DNAAF6: variants seen among roughly 807,000 people sequenced by gnomAD.
DNAAF6 encodes PIH1 domain containing 3.
Under a neutral mutation model 13.7 loss-of-function variants are expected in DNAAF6, and 3 were observed. The ratio of observed to expected loss-of-function variants is 0.22; its 90% CI spans 0.10 to 0.56. The LOEUF is 0.56. Among genes scored for constraint, DNAAF6 ranks in the 20% least tolerant of loss-of-function variants. DNAAF6 has a pLI of 0.92. For missense variants in DNAAF6, 130 were observed against 151.0 expected, an observed-to-expected ratio of 0.86 and a Z score of 0.73; for synonymous variants, 54 against 49.2, an observed-to-expected ratio of 1.10 and a Z score of -0.41.
chrX:107,220,917 T>C (rs868582395), intron 4 of DNAAF6, among the ~76,000 whole-genome samples: 1 of 60,358 alleles, frequency 1.7e-5, no homozygotes, highest in African/African-American at 7.4e-5. Context: ...CTTTCTTTCT[T>C]TCTTTCTTTC....
chrX:107,213,169 C>T, intron 2 of DNAAF6, 141 bp downstream of exon 2: 1 of 534,720 alleles, frequency 1.9e-6, no homozygotes, highest in Non-Finnish European at 2.8e-6. Context: ...GCTGATTATG[C>T]ATGACAATGT....
chrX:107,218,785 C>A, intron 3 of DNAAF6, 79 bp from the exon 4 acceptor site: 1 of 967,284 alleles, frequency 1.0e-6, no homozygotes, highest in Non-Finnish European at 1.4e-6. Context: ...TGAACCCAAA[C>A]TGAGTGTGAA....
intron 4 of DNAAF6, 68 bp from the exon 5 acceptor site, chrX:107,222,677 A>G: frequency 1.8e-6 from 2 of 1,142,105 alleles, no homozygotes; most frequent in South Asian, 4.6e-5. Flanking sequence ...ATAAGTTACT[A>G]GTTTTCTTTT....
At chrX:107,220,080 T>C (rs984052924) in intron 4 of DNAAF6, among the ~76,000 whole-genome samples, 2 of 112,003 alleles carry the variant, frequency 1.8e-5, no homozygotes, top group African/African-American at 6.5e-5. Context: ...ATTACAGGCA[T>C]GAGCCACTGC....
In DNAAF6 at chrX:107,211,834, AAATGATACCAT is replaced by A. The variant is rs1345671812; in HGVS notation, c.-3-1018_-3-1008del. On this transcript the variant is annotated intron_variant, in intron 1 of 6. Coordinates refer to ENST00000372453, the MANE Select transcript of DNAAF6 (RefSeq NM_173494.2). ...GACAAATCTGATGTGTAATCAAACC[AAATGATACCAT>A]AATGATACCATAATGATACCTATTT... is the stretch of plus-strand genomic sequence containing the variant. Among the ~76,000 whole-genome samples, 359 of 111,867 alleles carry A rather than the reference AAATGATACCAT, an allele frequency of 3.2e-3. 2 individuals are homozygous for A. The highest frequency in any genetic ancestry group is 4.9e-3 in the Non-Finnish European group (258 of 53,142).
intron 6 of DNAAF6, 114 bp downstream of exon 6, chrX:107,239,121 T>G: frequency 1.0e-6 from 1 of 988,348 alleles, no homozygotes. Context: ...TGAAGAAAAG[T>G]GGAAAATTTT....
intron 2 of DNAAF6, among the ~76,000 whole-genome samples, chrX:107,216,124 G>A (rs1426989190): frequency 4.5e-5 from 5 of 111,821 alleles, no homozygotes; most frequent in Non-Finnish European, 7.5e-5. Flanking sequence ...CTAGTTCAGT[G>A]TCATGAGGCG....
intron 5 of DNAAF6, among the ~76,000 whole-genome samples, chrX:107,235,457 C>T (rs1928492210): frequency 9.0e-6 from 1 of 111,274 alleles, no homozygotes; most frequent in Non-Finnish European, 1.9e-5. Context: ...CTAAAAAAGG[C>T]ATTGCTTCTG....
Position 107,243,175 on chromosome X carries a change from G to A in DNAAF6, c.522G>A (p.Leu174=). The A allele has an allele frequency of 2.5e-6, 3 of 1,198,851 alleles. No homozygotes were observed. Among genetic ancestry groups the A allele is most frequent in the Non-Finnish European group, 3.4e-6 (3 of 891,411 alleles). The change falls in exon 7 of 7, where the codon CTG becomes CTA. Residue 174 remains leucine (L), a synonymous_variant. Coordinates refer to ENST00000372453, the MANE Select transcript of DNAAF6 (RefSeq NM_173494.2). ...TTTTGTTGTTTTTTTTTAGGAAGCT[G>A]TTGATAACTCTTCCTGAGCTGGTGG... ...ILDLRTPQKK[L]LITLPELVEC...
rs1265536839 is a variant in DNAAF6 at position 107,224,206 on chromosome X, G to A, written c.429+1365G>A. Among the ~76,000 whole-genome samples the A allele has an allele frequency of 5.8e-4, 65 of 111,309 alleles. 1 individual carries two copies. The Admixed American group carries it at 6.1e-3, about 10-fold the overall frequency. On this transcript the variant is annotated intron_variant, in intron 5 of 6. Transcript: ENST00000372453. Reference sequence around the variant, plus strand: ...CTGGGGAGACAAAACTAACATAAATGAACCAATTTTATTATTAAGAATTAA... The same window carrying A: ...CTGGGGAGACAAAACTAACATAAATAAACCAATTTTATTATTAAGAATTAA...
At chrX:107,223,105 T>C (rs1297242571) in intron 5 of DNAAF6, among the ~76,000 whole-genome samples, 1 of 111,828 alleles carries the variant, frequency 8.9e-6, no homozygotes, top group Non-Finnish European at 1.9e-5. Flanking sequence ...TTTTTATCCC[T>C]ATTAAAACTT....
intron 5 of DNAAF6, among the ~76,000 whole-genome samples, chrX:107,237,798 A>G (rs1928549051): frequency 9.0e-6 from 1 of 111,730 alleles, no homozygotes; most frequent in South Asian, 3.8e-4. Context: ...CCTGGCTAAC[A>G]CGGGGAAACC....
chrX:107,232,211 A>G (rs930398219), intron 5 of DNAAF6, among the ~76,000 whole-genome samples: 3 of 111,581 alleles, frequency 2.7e-5, no homozygotes, highest in African/African-American at 9.8e-5. Flanking sequence ...GTACTATATT[A>G]CCATACCTGT....
intron 3 of DNAAF6, among the ~76,000 whole-genome samples, chrX:107,217,705 A>G (rs1294533499): frequency 8.9e-6 from 1 of 112,298 alleles, no homozygotes; most frequent in Non-Finnish European, 1.9e-5. Flanking sequence ...ACCAGAGGAT[A>G]GGAAGGGAGA....
intron 3 of DNAAF6, 115 bp downstream of exon 3, chrX:107,216,858 T>C (rs1928003157): frequency 2.1e-6 from 1 of 478,766 alleles, no homozygotes; most frequent in Non-Finnish European, 3.3e-6. Flanking sequence ...TAAATAACAA[T>C]GTATTGTATA....
intron 2 of DNAAF6, among the ~76,000 whole-genome samples, chrX:107,214,625 A>G (rs181724624): frequency 8.9e-6 from 1 of 112,039 alleles, no homozygotes; most frequent in East Asian, 2.8e-4. Flanking sequence ...TCTGGGTTAT[A>G]AACAATTTTG....
At chrX:107,223,835 A>G (rs1412279437) in intron 5 of DNAAF6, among the ~76,000 whole-genome samples, 1 of 111,729 alleles carries the variant, frequency 9.0e-6, no homozygotes, top group Non-Finnish European at 1.9e-5. Flanking sequence ...TTCAAACTCT[A>G]ATGAGTTATG....
chrX:107,220,957 T>G (rs973909196), intron 4 of DNAAF6, among the ~76,000 whole-genome samples: 11 of 50,558 alleles, frequency 2.2e-4, no homozygotes, highest in African/African-American at 7.1e-4. Flanking sequence ...CTTTCTTTCT[T>G]TTTCTTTCTT....
chrX:107,220,818 G>A (rs1005527025), intron 4 of DNAAF6, among the ~76,000 whole-genome samples: 3 of 111,934 alleles, frequency 2.7e-5, no homozygotes, highest in East Asian at 2.8e-4. Flanking sequence ...TTGGGTGACT[G>A]AGGAAATGAT....
Sources: gnomAD v4.1 joint callset for allele counts (sites outside exome capture counted in the v4.1 genomes callset) on GRCh38, gnomAD v4.1.1 for gene constraint, MANE v1.5 for transcripts, NCBI Gene and HGNC (gene_info 2026-07-23, HGNC 2026-07-21) for gene names.